The following CDH12 variants were observed in gnomAD, a reference collection of about 807,000 sequenced individuals.
CDH12 encodes the protein cadherin 12, also known as cadherin-12.
A neutral mutation model predicts 74.1 loss-of-function variants in CDH12; 41 were observed. The observed-to-expected ratio is 0.55, with a 90% CI of 0.43 to 0.72. CDH12 has a LOEUF of 0.72. CDH12 is among the 30% of genes least tolerant of loss of function. The pLI is 0.00. For missense variants in CDH12, 945 were observed against 977.2 expected, an observed-to-expected ratio of 0.97 and a Z score of 0.44; for synonymous variants, 399 against 355.0, an observed-to-expected ratio of 1.12 and a Z score of -1.39.
intron 3 of CDH12, among the ~76,000 whole-genome samples, chr5:22,327,605 T>C (rs1489514795): frequency 1.3e-5 from 2 of 152,094 alleles, no homozygotes; most frequent in African/African-American, 4.8e-5. Context: ...TTTTGGAGGG[T>C]CATAGAGCGC....
At chr5:22,700,258 A>G (rs1215334339) in intron 1 of CDH12, among the ~76,000 whole-genome samples, 2 of 152,144 alleles carry the variant, frequency 1.3e-5, no homozygotes, top group Admixed American at 6.5e-5. Context: ...CCCTATTAAC[A>G]AATTTATTTT....
chr5:22,496,288 T>C, intron 2 of CDH12, among the ~76,000 whole-genome samples: 1 of 152,276 alleles, frequency 6.6e-6, no homozygotes, highest in Middle Eastern at 3.4e-3. Context: ...GTTAGTAACA[T>C]GGTGAATTAC....
chr5:22,264,399 C>T (rs1458676759), intron 3 of CDH12, among the ~76,000 whole-genome samples: 1 of 151,926 alleles, frequency 6.6e-6, no homozygotes, highest in Non-Finnish European at 1.5e-5. Context: ...TCACTTTTTT[C>T]CTAATGTCTC....
chr5:21,942,736 T>C (rs2150091929), intron 6 of CDH12, among the ~76,000 whole-genome samples: 1 of 152,120 alleles, frequency 6.6e-6, no homozygotes, highest in South Asian at 2.1e-4. Context: ...TCTGTGGAGG[T>C]TTAAGTATGA....
In CDH12 at chr5:22,007,657, A is replaced by C. The variant is rs368723856; in HGVS notation, c.232-32272T>G. 2.6e-5 allele frequency among the ~76,000 whole-genome samples: 4 copies of C among 152,294 alleles called. No homozygotes were observed. In the East Asian group the frequency reaches 5.8e-4, roughly 22 times the overall value. On this transcript the variant is annotated intron_variant, in intron 5 of 14. Transcript: ENST00000382254. ...TTCCACTGTTATTGTTAGGTTGAGA[A>C]ATGTAAATAAATGTATAGAGATGCA...
intron 4 of CDH12, among the ~76,000 whole-genome samples, chr5:22,162,483 G>A (rs1748412365): frequency 2.0e-5 from 3 of 152,072 alleles, no homozygotes; most frequent in Admixed American, 2.0e-4. Flanking sequence ...CCTCAGGTTG[G>A]GTTTTCCCTG....
intron 1 of CDH12, among the ~76,000 whole-genome samples, chr5:22,651,466 A>G (rs765835569): frequency 3.9e-5 from 6 of 152,076 alleles, no homozygotes; most frequent in Non-Finnish European, 8.8e-5. Flanking sequence ...AAGGTGATAG[A>G]AAGGATAATG....
At chr5:22,281,208 T>C (rs1024907845) in intron 3 of CDH12, among the ~76,000 whole-genome samples, 3 of 152,174 alleles carry the variant, frequency 2.0e-5, no homozygotes, top group Non-Finnish European at 4.4e-5. Flanking sequence ...AAATTAGGTA[T>C]TGGTGGGACG....
intron 2 of CDH12, among the ~76,000 whole-genome samples, chr5:22,461,030 CTTTTTT>C (rs34555692): frequency 1.6e-5 from 1 of 63,562 alleles, no homozygotes; most frequent in African/African-American, 6.5e-5. Flanking sequence ...CAATGTCTAG[CTTTTTT>C]TTTTTTTTTT....
At chr5:22,123,835 T>C (rs1013880502) in intron 4 of CDH12, among the ~76,000 whole-genome samples, 1 of 152,190 alleles carries the variant, frequency 6.6e-6, no homozygotes, top group Non-Finnish European at 1.5e-5. Flanking sequence ...CATTAGGAAA[T>C]GGCAGCATTA....
intron 6 of CDH12, among the ~76,000 whole-genome samples, chr5:21,868,535 C>G (rs1355717076): frequency 1.3e-5 from 2 of 152,136 alleles, no homozygotes; most frequent in East Asian, 3.9e-4. Flanking sequence ...CAAATTCTAC[C>G]CCCATGTGTG....
intron 2 of CDH12, among the ~76,000 whole-genome samples, chr5:22,473,075 T>C (rs780062545): frequency 4.6e-5 from 7 of 152,130 alleles, no homozygotes; most frequent in Non-Finnish European, 1.0e-4. Flanking sequence ...CCACAATGGC[T>C]AATGAGCTTT....
chr5:22,250,924 G>T (rs1561255644), intron 3 of CDH12, among the ~76,000 whole-genome samples: 1 of 152,180 alleles, frequency 6.6e-6, no homozygotes, highest in East Asian at 1.9e-4. Flanking sequence ...AAGAAGAAAT[G>T]ACCTATAAAG....
At chr5:22,406,636 A>G (rs1742951653) in intron 2 of CDH12, among the ~76,000 whole-genome samples, 1 of 152,172 alleles carries the variant, frequency 6.6e-6, no homozygotes, top group South Asian at 2.1e-4. Flanking sequence ...TACATGCAAA[A>G]ACAATGATCC....
chr5:21,996,788 C>T (rs1156441655), intron 5 of CDH12, among the ~76,000 whole-genome samples: 2 of 151,884 alleles, frequency 1.3e-5, no homozygotes, highest in Non-Finnish European at 2.9e-5. Context: ...AATGTGTTAC[C>T]GCATTTATAT....
At chr5:22,820,169 A>G (rs1749614602) in intron 1 of CDH12, among the ~76,000 whole-genome samples, 1 of 151,796 alleles carries the variant, frequency 6.6e-6, no homozygotes, top group Non-Finnish European at 1.5e-5. Context: ...AAAAATTAAA[A>G]ATGAAAAAGG....
At chr5:22,708,688 T>G (rs1030895041) in intron 1 of CDH12, among the ~76,000 whole-genome samples, 1 of 152,026 alleles carries the variant, frequency 6.6e-6, no homozygotes, top group African/African-American at 2.4e-5. Flanking sequence ...TAATGTAATC[T>G]CTCAAAATCT....
At chr5:22,691,454 C>T (rs1430677230) in intron 1 of CDH12, among the ~76,000 whole-genome samples, 3 of 152,176 alleles carry the variant, frequency 2.0e-5, no homozygotes, top group African/African-American at 7.2e-5. Context: ...GATCTCAATT[C>T]ATTCAAACCC....
At chr5:22,612,423 T>C (rs2126827971) in intron 1 of CDH12, among the ~76,000 whole-genome samples, 1 of 152,274 alleles carries the variant, frequency 6.6e-6, no homozygotes, top group Middle Eastern at 3.4e-3. Flanking sequence ...AGAAATATGA[T>C]GGTTGGATAA....
Sources: gnomAD v4.1 joint callset for allele counts (sites outside exome capture counted in the v4.1 genomes callset) on GRCh38, gnomAD v4.1.1 for gene constraint, MANE v1.5 for transcripts, NCBI Gene and HGNC (gene_info 2026-07-23, HGNC 2026-07-21) for gene names.